The following EPC2 variants were observed in gnomAD, a reference collection of about 807,000 sequenced individuals.
EPC2 encodes the protein enhancer of polycomb 2.
Under a neutral mutation model 92.1 loss-of-function variants are expected in EPC2, and 14 were observed. The ratio of observed to expected loss-of-function variants is 0.15; its 90% CI spans 0.10 to 0.24. The LOEUF (loss-of-function observed/expected upper bound fraction) is 0.24, where lower values mean the gene tolerates loss of function less well. Ranked by LOEUF, EPC2 falls within the 10% of genes least tolerant of loss-of-function variation. The probability of loss-of-function intolerance (pLI) is 1.00; values close to 1 mark genes in which losing one functional copy is unlikely to be tolerated. For missense variants in EPC2, 755 were observed against 971.5 expected, an observed-to-expected ratio of 0.78 and a Z score of 2.96; for synonymous variants, 340 against 334.7, an observed-to-expected ratio of 1.02 and a Z score of -0.17.
chr2:148,757,791 C>T lies in EPC2; in HGVS notation c.666+3658C>T, dbSNP rs181278711. ...GAGAAGTTGCAGTGAGCCAAAATTG[C>T]GCCATTGCACTCCAGCCTGGGCAAC... is the stretch of plus-strand genomic sequence containing the variant. On this transcript the variant is annotated intron_variant, in intron 4 of 13. Coordinates refer to ENST00000258484, the MANE Select transcript of EPC2 (RefSeq NM_015630.4). Among the ~76,000 whole-genome samples the T allele has an allele frequency of 1.1e-4, 17 of 152,048 alleles. No individual in the cohort carries two copies. In the East Asian group the frequency reaches 1.9e-3, roughly 17 times the overall value.
At chr2:148,692,986 C>G (rs1253426748) in intron 2 of EPC2, among the ~76,000 whole-genome samples, 1 of 152,020 alleles carries the variant, frequency 6.6e-6, no homozygotes, top group East Asian at 1.9e-4. Context: ...TTCTGCCTTT[C>G]TAGTCATATT....
chr2:148,646,589 T>G (rs1246051284), intron 1 of EPC2, among the ~76,000 whole-genome samples: 1 of 112,858 alleles, frequency 8.9e-6, no homozygotes, highest in Non-Finnish European at 1.8e-5. Flanking sequence ...CTTTTTTTTT[T>G]GTATGTGAGA....
At chr2:148,704,258 C>T (rs1584242) in intron 2 of EPC2, among the ~76,000 whole-genome samples, 150,392 of 152,302 alleles carry the variant, frequency 0.99, 74,282 homozygotes, top group Middle Eastern at 1. Context: ...TGGATGAAAC[C>T]TGAGACATTG....
At chr2:148,665,133 C>G (rs980484428) in intron 1 of EPC2, among the ~76,000 whole-genome samples, 1 of 152,154 alleles carries the variant, frequency 6.6e-6, no homozygotes, top group East Asian at 1.9e-4. Flanking sequence ...CCTCAGGTTC[C>G]ATCCTAGACC....
intron 2 of EPC2, among the ~76,000 whole-genome samples, chr2:148,718,294 G>T (rs752201816): frequency 6.6e-6 from 1 of 152,106 alleles, no homozygotes; most frequent in African/African-American, 2.4e-5. Flanking sequence ...ATGCTAGCTG[G>T]TTATTTTGCA....
chr2:148,689,325 C>T (rs903461736), intron 1 of EPC2, among the ~76,000 whole-genome samples: 7 of 152,102 alleles, frequency 4.6e-5, no homozygotes, highest in Non-Finnish European at 7.4e-5. Context: ...TAGAGGCACC[C>T]GCCACTACGC....
chr2:148,698,546 G>A (rs1681799388), intron 2 of EPC2, among the ~76,000 whole-genome samples: 1 of 140,670 alleles, frequency 7.1e-6, no homozygotes, highest in African/African-American at 2.6e-5. Context: ...TGAGGCAGAA[G>A]AATTGCTTGA....
intron 1 of EPC2, among the ~76,000 whole-genome samples, chr2:148,657,915 A>G (rs893881991): frequency 6.6e-6 from 1 of 151,290 alleles, no homozygotes; most frequent in Admixed American, 6.6e-5. Flanking sequence ...TGTAACTGAA[A>G]TAAAGTGCAC....
intron 1 of EPC2, among the ~76,000 whole-genome samples, chr2:148,648,537 T>A (rs1683852370): frequency 6.6e-6 from 1 of 152,208 alleles, no homozygotes; most frequent in Admixed American, 6.5e-5. Context: ...CAAACCAACC[T>A]TGGCTTACGG....
intron 3 of EPC2, among the ~76,000 whole-genome samples, chr2:148,753,285 G>C (rs1683113557): frequency 1.3e-5 from 2 of 152,166 alleles, no homozygotes. Flanking sequence ...ACATGACATT[G>C]TCATTAGCAG....
intron 10 of EPC2, among the ~76,000 whole-genome samples, 189 bp from the exon 11 acceptor site, chr2:148,781,455 T>G (rs1683745914): frequency 6.6e-6 from 1 of 152,190 alleles, no homozygotes; most frequent in South Asian, 2.1e-4. Flanking sequence ...TGATGGAGAT[T>G]ATAAATACAA....
chr2:148,787,425 CTT>C lies in EPC2; in HGVS notation c.*1054_*1055del, dbSNP rs746353766. On this transcript the variant is annotated 3_prime_UTR_variant, in exon 14 of 14. Transcript: ENST00000258484. The stretch of plus-strand genomic sequence containing the variant: ...CCTTCATAGTGTAGTGTTTTAGTGA[CTT>C]TTTTTATACGGTTCTTGTAAATTAG... 3.3e-5 allele frequency: 5 copies of C among 152,524 alleles called. No individual in the cohort carries two copies. The highest frequency in any genetic ancestry group is 4.8e-5 in the African/African-American group (2 of 41,410). The allele number at this position is 152,524 out of a possible 1,614,324, so 9.4% of individuals were successfully genotyped here.
chr2:148,765,500 T>G (rs1490557991), intron 7 of EPC2, among the ~76,000 whole-genome samples: 1 of 152,200 alleles, frequency 6.6e-6, no homozygotes, highest in Non-Finnish European at 1.5e-5. Flanking sequence ...ATTGTAAATA[T>G]TGAAAATATT....
At position 148,781,596 on chromosome 2, in the gene EPC2, A is replaced by G. The variant is rs746509818; in HGVS notation, c.1721-48A>G. The G allele has an allele frequency of 1.9e-6, 3 of 1,563,940 alleles. No individual in the cohort carries two copies. In the African/African-American group the frequency reaches 4.1e-5, roughly 21 times the overall value. On this transcript the variant is annotated intron_variant, in intron 10 of 13. Coordinates refer to ENST00000258484, the MANE Select transcript of EPC2 (RefSeq NM_015630.4). ...ATATCATATTCTGCTTGTGTTATTA[A>G]AAATCTTTTAAAACGTACTCATTTC...
chr2:148,769,230 A>G lies in EPC2; in HGVS notation c.1220A>G (p.Gln407Arg), dbSNP rs767468522. ...PCAFRRRAGC[Q>R]YYAPRLDQAN... ...GCTTTCAGAAGGCGGGCAGGATGCC[A>G]GTATTATGCTGTAAGAACTTTTGTG... Residue 407 changes from glutamine to arginine, a missense_variant, in exon 8 of 14, where the codon CAG becomes CGG. By Grantham distance (43) the Gln-to-Arg change is conservative (BLOSUM62 1). Around this residue, in one of 4 missense-constraint regions of EPC2, gnomAD observed 509 missense variants for 607.7 expected, o/e 0.84. Coordinates refer to ENST00000258484, the MANE Select transcript of EPC2 (RefSeq NM_015630.4). The G allele has an allele frequency of 1.2e-6, 2 of 1,609,200 alleles. No individual in the cohort carries two copies. The highest frequency in any genetic ancestry group is 1.3e-5 in the African/African-American group (1 of 75,012).
At chr2:148,710,097 A>T (rs1682104200) in intron 2 of EPC2, among the ~76,000 whole-genome samples, 1 of 152,248 alleles carries the variant, frequency 6.6e-6, no homozygotes, top group Admixed American at 6.5e-5. Context: ...CAATCTACTC[A>T]TCTGACAAAG....
intron 2 of EPC2, among the ~76,000 whole-genome samples, chr2:148,696,354 A>G (rs986995368): frequency 6.6e-6 from 1 of 152,216 alleles, no homozygotes; most frequent in Non-Finnish European, 1.5e-5. Context: ...TCTGAGATAA[A>G]TGAAAGAGAA....
intron 1 of EPC2, among the ~76,000 whole-genome samples, chr2:148,664,660 C>T (rs1346900248): frequency 6.6e-6 from 1 of 152,318 alleles, no homozygotes; most frequent in African/African-American, 2.4e-5. Context: ...GGTCTTCAGG[C>T]AAACGCTCAT....
chr2:148,759,897 A>C (rs1285613117), intron 4 of EPC2, among the ~76,000 whole-genome samples: 1 of 152,204 alleles, frequency 6.6e-6, no homozygotes, highest in Non-Finnish European at 1.5e-5. Flanking sequence ...GTTTTTTAAA[A>C]AAAGGACAAG....
Sources: gnomAD v4.1 joint callset for allele counts (sites outside exome capture counted in the v4.1 genomes callset) on GRCh38, gnomAD v4.1.1 for gene constraint, gnomAD v4.1.1 regional missense constraint, MANE v1.5 for transcripts, NCBI Gene and HGNC (gene_info 2026-07-23, HGNC 2026-07-21) for gene names.